Variants in CELSR3 observed in about 807,000 individuals in gnomAD.
CELSR3 encodes the protein cadherin EGF LAG seven-pass G-type receptor 3.
Under a neutral mutation model 270.0 loss-of-function variants are expected in CELSR3, and 73 were observed. The observed-to-expected ratio is 0.27, with a 90% confidence interval of 0.22 to 0.33. The LOEUF (loss-of-function observed/expected upper bound fraction) is 0.33, where lower values mean the gene tolerates loss of function less well. Among genes scored for constraint, CELSR3 ranks in the 10% least tolerant of loss-of-function variants. CELSR3 has a pLI of 1.00. For synonymous variants in CELSR3, 1,780 were observed against 1,905.4 expected, an observed-to-expected ratio of 0.93 and a Z score of 1.71; for missense variants, 3,614 against 4,533.8, an observed-to-expected ratio of 0.80 and a Z score of 5.83.
In CELSR3 at chr3:48,653,987, T is replaced by C; in HGVS notation, c.5169A>G (p.Leu1723=). 1 of 1,612,950 alleles carries C rather than the reference T, an allele frequency of 6.2e-7. No individual in the cohort carries two copies. Among genetic ancestry groups the C allele is most frequent in the Non-Finnish European group, 8.5e-7 (1 of 1,179,618 alleles). The change falls in exon 8 of 35, where the codon CTA becomes CTG. Residue 1723 remains leucine, a synonymous_variant. Coordinates refer to ENST00000164024, the MANE Select transcript of CELSR3 (RefSeq NM_001407.3). The surrounding 1 kb of genome is among the most constrained non-coding windows in gnomAD (Gnocchi z 6.5). ...TGCAGGGGCCTGAGTCACAAAAGTG[T>C]AGCTTGGCTTGGCAGCCTGGGAGAG... ...NGTMAGCQAK[L]HFCDSGPCKN...
Position 48,661,037 on chromosome 3 carries a change from A to T in CELSR3, c.1598T>A (p.Ile533Lys). The change falls in exon 1 of 35, where the codon ATA becomes AAA. Residue 533 changes from isoleucine to lysine, a missense_variant. This residue lies in a region of CELSR3 where 354 missense variants were observed against 500.9 expected (regional missense o/e 0.71). Transcript: ENST00000164024. ...ATTGTCGTTCTCGTCTAGCACAGTT[A>T]TGTGTACGCGCACAGTGGCCGAGCG... ...GPRSATVRVHITVLDENDNAP... is the reference protein window; with the variant it reads ...GPRSATVRVHKTVLDENDNAP... 1 of 1,613,808 alleles carries T rather than the reference A, an allele frequency of 6.2e-7. No homozygotes were observed. The highest frequency in any genetic ancestry group is 8.5e-7 in the Non-Finnish European group (1 of 1,180,014).
Position 48,659,585 on chromosome 3 carries a change from C to G in CELSR3, c.3050G>C (p.Gly1017Ala), listed in dbSNP as rs1000030494. 6.2e-7 allele frequency: 1 copy of G among 1,614,064 alleles called. No individual in the cohort carries two copies. Among genetic ancestry groups the G allele is most frequent in the Non-Finnish European group, 8.5e-7 (1 of 1,180,048 alleles). The change falls in exon 1 of 35, where the codon GGA becomes GCA. Residue 1017 changes from glycine to alanine, a missense_variant. Around this residue, in one of 7 missense-constraint regions of CELSR3, gnomAD observed 1,331 missense variants for 1,933.7 expected, o/e 0.69. Transcript: ENST00000164024. This position sits in a 1 kb window ranked among gnomAD's most constrained non-coding sequence, Gnocchi z 8.1. Reference sequence around the variant, plus strand: ...TAGCCGCCTTACTGTACGGACAATTCCAGAGGTGGGCTCAATGGTAAAATC... The same window carrying G: ...TAGCCGCCTTACTGTACGGACAATTGCAGAGGTGGGCTCAATGGTAAAATC... Reference protein sequence around the residue: ...DGDFTIEPTSGIVRTVRRLDR... With the variant: ...DGDFTIEPTSAIVRTVRRLDR...
Position 48,660,997 on chromosome 3 carries a change from G to A in CELSR3, c.1638C>T (p.Ser546=), listed in dbSNP as rs369539982. 51 of 1,613,762 alleles carry A rather than the reference G, an allele frequency of 3.2e-5. No homozygotes were observed. In the South Asian group the frequency reaches 5.6e-4, roughly 18 times the overall value. ...GCACCTGCGCCACGTAGCGCTTCTCGCTGAACTGAGGAGCATTGTCGTTCT... is the reference window on the plus strand; with the variant it reads ...GCACCTGCGCCACGTAGCGCTTCTCACTGAACTGAGGAGCATTGTCGTTCT... The part of the protein sequence containing the change: ...LDENDNAPQF[S]EKRYVAQVRE... The change falls in exon 1 of 35, where the codon AGC becomes AGT. Residue 546 remains serine, a synonymous_variant. Transcript: ENST00000164024. This position sits in a 1 kb window ranked among gnomAD's most constrained non-coding sequence, Gnocchi z 5.5.
At position 48,659,181 on chromosome 3, in the gene CELSR3, G is replaced by A. The variant is rs754395490; in HGVS notation, c.3454C>T (p.Arg1152Trp). ...VQATSAPLVS[R>W]ATVHVRLVDQ... is the part of the protein sequence containing the mutation. ...ACCAGGCGGACGTGCACAGTGGCCC[G>A]GCTGACCAAAGGAGCAGATGTGGCC... Residue 1152 changes from arginine to tryptophan, a missense_variant, in exon 1 of 35, where the codon CGG becomes TGG. Coordinates refer to ENST00000164024, the MANE Select transcript of CELSR3 (RefSeq NM_001407.3). The surrounding 1 kb of genome is among the most constrained non-coding windows in gnomAD (Gnocchi z 8.1). The A allele has an allele frequency of 1.7e-5, 27 of 1,614,052 alleles. No individual in the cohort carries two copies. The highest frequency in any genetic ancestry group is 2.1e-5 in the Non-Finnish European group (25 of 1,180,028).
intron 27 of CELSR3, chr3:48,643,919 A>G: frequency 1.7e-6 from 1 of 592,504 alleles, no homozygotes; most frequent in Non-Finnish European, 3.0e-6. Context: ...GCCACAAGGG[A>G]GGGCACGGAA....
At chr3:48,643,791 T>C in intron 27 of CELSR3, 114 bp from the exon 28 acceptor site, 1 of 1,277,768 alleles carries the variant, frequency 7.8e-7, no homozygotes, top group Non-Finnish European at 1.1e-6. Flanking sequence ...AAAAAGGAAC[T>C]CACACGGGAA....
In CELSR3 at chr3:48,652,966, G is replaced by A. The variant is rs2047150304; in HGVS notation, c.5634+36C>T. ...CAAATAAGGCGGATCTGGTTGGAAG[G>A]CTGAGAACAGACTACCCCGGGGTCA... On this transcript the variant is annotated intron_variant, in intron 10 of 34. Coordinates refer to ENST00000164024, the MANE Select transcript of CELSR3 (RefSeq NM_001407.3). This position sits in a 1 kb window ranked among gnomAD's most constrained non-coding sequence, Gnocchi z 4.3. 2 of 1,584,106 alleles carry A rather than the reference G, an allele frequency of 1.3e-6. No homozygotes were observed. Among genetic ancestry groups the A allele is most frequent in the African/African-American group, 1.3e-5 (1 of 74,354 alleles).
At position 48,640,788 on chromosome 3, in the gene CELSR3, A is replaced by C; in HGVS notation, c.9026-229T>G. 1.1e-4 allele frequency: 36 copies of C among 332,968 alleles called. No individual in the cohort carries two copies. Among genetic ancestry groups the C allele is most frequent in the East Asian group, 4.1e-4 (7 of 16,954 alleles). The allele number at this position is 332,968 out of a possible 1,614,324, so 20.6% of individuals were successfully genotyped here. On this transcript the variant is annotated intron_variant, in intron 33 of 34. Coordinates refer to ENST00000164024, the MANE Select transcript of CELSR3 (RefSeq NM_001407.3). This position sits in a 1 kb window ranked among gnomAD's most constrained non-coding sequence, Gnocchi z 7.5. ...CCAGTTGTGGTCCCGGGGCAGGGGGAGGGCGGGCAGGTCTCATGGTGCAGG... is the reference window on the plus strand; with the variant it reads ...CCAGTTGTGGTCCCGGGGCAGGGGGCGGGCGGGCAGGTCTCATGGTGCAGG...
rs745812970 is a variant in CELSR3 at position 48,661,796 on chromosome 3, C to T, written c.839G>A (p.Gly280Asp). 9 of 1,608,016 alleles carry T rather than the reference C, an allele frequency of 5.6e-6. No homozygotes were observed. The highest frequency in any genetic ancestry group is 7.6e-6 in the Non-Finnish European group (9 of 1,178,876). Reference protein sequence around the residue: ...EPAPKRMRSRGLFRCRFLPQR... With the variant: ...EPAPKRMRSRDLFRCRFLPQR... ...CGGGAGGAAGCGGCAGCGGAAGAGA[C>T]CCCGGGAGCGCATGCGCTTGGGCGC... Residue 280 changes from glycine (G) to aspartate (D), a missense_variant, in exon 1 of 35, where the codon GGT becomes GAT. Coordinates refer to ENST00000164024, the MANE Select transcript of CELSR3 (RefSeq NM_001407.3).
In CELSR3 at chr3:48,659,320, C is replaced by G. The variant is rs1349544402; in HGVS notation, c.3315G>C (p.Gln1105His). The G allele has an allele frequency of 6.2e-6, 10 of 1,614,194 alleles. No homozygotes were observed. Among genetic ancestry groups the G allele is most frequent in the Non-Finnish European group, 8.5e-6 (10 of 1,180,034 alleles). The stretch of plus-strand genomic sequence containing the variant: ...GCTCAGGGATGTTCCCCTCCACGAT[C>G]TGGTACATTATATGGGCATTGGGGC... ...DEGPNAHIMY[Q>H]IVEGNIPELF... The change falls in exon 1 of 35, where the codon CAG becomes CAC. Residue 1105 changes from glutamine (Q) to histidine (H), a missense_variant. Physicochemically the swap from Gln to His is conservative, Grantham distance 24. Transcript: ENST00000164024. The surrounding 1 kb of genome is among the most constrained non-coding windows in gnomAD (Gnocchi z 8.1).
rs1449370296 is a variant in CELSR3 at position 48,649,230 on chromosome 3, C to A, written c.6473-15G>T. On this transcript the variant is annotated splice_polypyrimidine_tract_variant and intron_variant, in intron 16 of 34. Transcript: ENST00000164024. Reference sequence around the variant, plus strand: ...CACAGCAGCACCTGGAGGCAGGCAACCCCTGGTCAGGCCTGGGGCCTGGAT... The same window carrying A: ...CACAGCAGCACCTGGAGGCAGGCAAACCCTGGTCAGGCCTGGGGCCTGGAT... The A allele has an allele frequency of 2.5e-6, 4 of 1,602,280 alleles. No homozygotes were observed. Among genetic ancestry groups the A allele is most frequent in the African/African-American group, 1.3e-5 (1 of 74,750 alleles).
rs779341693 is a variant in CELSR3 at position 48,660,970 on chromosome 3, G to T, written c.1665C>A (p.Arg555=). 4.9e-5 allele frequency: 79 copies of T among 1,613,778 alleles called. No individual in the cohort carries two copies. Among genetic ancestry groups the T allele is most frequent in the Non-Finnish European group, 6.1e-5 (72 of 1,180,048 alleles). Residue 555 remains arginine, a synonymous_variant, in exon 1 of 35, where the codon CGC becomes CGA. Coordinates refer to ENST00000164024, the MANE Select transcript of CELSR3 (RefSeq NM_001407.3). The surrounding 1 kb of genome is among the most constrained non-coding windows in gnomAD (Gnocchi z 5.5). ...CGACTGTGTGGGGGCGCACATCCTC[G>T]CGCACCTGCGCCACGTAGCGCTTCT... ...FSEKRYVAQV[R]EDVRPHTVVL...
rs1553626797 is a variant in CELSR3 at position 48,657,362 on chromosome 3, C to T, written c.3749-14G>A. 9.6e-6 allele frequency: 15 copies of T among 1,568,654 alleles called. No homozygotes were observed. Among genetic ancestry groups the T allele is most frequent in the Admixed American group, 1.8e-5 (1 of 55,776 alleles). The stretch of plus-strand genomic sequence containing the variant: ...TGTGCAGGCCATCTGCAGGCGGGGG[C>T]AGGGGCAGTGGTCATCCTGGGGACA... On this transcript the variant is annotated splice_polypyrimidine_tract_variant and intron_variant, in intron 1 of 34. Transcript: ENST00000164024. The surrounding 1 kb of genome is among the most constrained non-coding windows in gnomAD (Gnocchi z 5.4).
Position 48,654,591 on chromosome 3 carries a change from G to T in CELSR3, c.4989-139C>A. The T allele has an allele frequency of 2.7e-6, 2 of 740,906 alleles. No homozygotes were observed. Among genetic ancestry groups the T allele is most frequent in the South Asian group, 1.9e-5 (1 of 51,734 alleles). 45.9% of individuals were successfully genotyped at this position (740,906 alleles called of 1,614,324 possible). On this transcript the variant is annotated intron_variant, in intron 6 of 34. Transcript: ENST00000164024. This position sits in a 1 kb window ranked among gnomAD's most constrained non-coding sequence, Gnocchi z 5.4. ...AAAATAAGGCCGAGCTGTGGAAGGA[G>T]TTAGGATCTTACTTCAGTTGGGGTG...
chr3:48,656,196 A>C lies in CELSR3; in HGVS notation c.4569T>G (p.Ser1523Arg), dbSNP rs1205732346. ...CEVAARSFPP[S>R]SFVMFRGLRQ... Reference sequence around the variant, plus strand: ...GCAGGCCGCGAAACATGACGAACGAACTGGGCGGGAAGGAGCGCGCAGCCA... The same window carrying C: ...GCAGGCCGCGAAACATGACGAACGACCTGGGCGGGAAGGAGCGCGCAGCCA... The change falls in exon 3 of 35, where the codon AGT (serine) becomes AGG (arginine). Residue 1523 changes from serine (S) to arginine (R), a missense_variant. By Grantham distance (110) the Ser-to-Arg change is moderately radical. Coordinates refer to ENST00000164024, the MANE Select transcript of CELSR3 (RefSeq NM_001407.3). 8 of 1,537,774 alleles carry C rather than the reference A, an allele frequency of 5.2e-6. No homozygotes were observed. The highest frequency in any genetic ancestry group is 7.0e-6 in the Non-Finnish European group (8 of 1,148,038).
At position 48,661,627 on chromosome 3, in the gene CELSR3, C is replaced by T. The variant is rs376308692; in HGVS notation, c.1008G>A (p.Glu336=). The T allele has an allele frequency of 1.1e-5, 18 of 1,605,086 alleles. No homozygotes were observed. In the African/African-American group the frequency reaches 2.4e-4, roughly 22 times the overall value. ...GCACCGCGGTGCCTGCTGCCTCATTCTCCGGCACCAGCGTCTGGTAGTTGT... is the reference window on the plus strand; with the variant it reads ...GCACCGCGGTGCCTGCTGCCTCATTTTCCGGCACCAGCGTCTGGTAGTTGT... ...PQYNYQTLVP[E]NEAAGTAVLR... Residue 336 remains glutamate (E), a synonymous_variant, in exon 1 of 35, where the codon GAG becomes GAA. Coordinates refer to ENST00000164024, the MANE Select transcript of CELSR3 (RefSeq NM_001407.3).
At chr3:48,648,965 T>C (rs1384716921) in intron 17 of CELSR3, 37 bp from the exon 18 acceptor site, 1 of 1,605,018 alleles carries the variant, frequency 6.2e-7, no homozygotes, top group East Asian at 2.2e-5. Context: ...TGTGGTCCCT[T>C]AGGCCTTCCT....
rs1213584774 is a variant in CELSR3 at position 48,646,790 on chromosome 3, T to C, written c.7268A>G (p.Gln2423Arg). 30 of 1,610,304 alleles carry C rather than the reference T, an allele frequency of 1.9e-5. No homozygotes were observed. Among genetic ancestry groups the C allele is most frequent in the African/African-American group, 2.7e-5 (2 of 74,708 alleles). ...YRTLGGLLPAQFQAERRGARL... is the reference protein window; with the variant it reads ...YRTLGGLLPARFQAERRGARL... ...GGCACCTCGGCGTTCTGCCTGGAAC[T>C]GGGCAGGGAGCAGTCCCCCTAAGGT... The change falls in exon 21 of 35, where the codon CAG (glutamine) becomes CGG (arginine). Residue 2423 changes from glutamine to arginine, a missense_variant. By Grantham distance (43) the Gln-to-Arg change is conservative. Transcript: ENST00000164024. The surrounding 1 kb of genome is among the most constrained non-coding windows in gnomAD (Gnocchi z 4.8).
chr3:48,640,532 G>A lies in CELSR3; in HGVS notation c.9053C>T (p.Pro3018Leu). The A allele has an allele frequency of 6.3e-7, 1 of 1,597,210 alleles. No individual in the cohort carries two copies. The highest frequency in any genetic ancestry group is 8.6e-7 in the Non-Finnish European group (1 of 1,169,308). The stretch of plus-strand genomic sequence containing the variant: ...GGCACCTCGGGTCTGTGGCACCAGT[G>A]GGTATTGCAACCGGTTCTTCAGGAT... ...KGILKNRLQY[P>L]LVPQTRGAPE... The change falls in exon 34 of 35, where the codon CCA becomes CTA. Residue 3018 changes from proline to leucine, a missense_variant. Transcript: ENST00000164024. This position sits in a 1 kb window ranked among gnomAD's most constrained non-coding sequence, Gnocchi z 7.5.
Sources: gnomAD v4.1 joint callset for allele counts on GRCh38, gnomAD v4.1.1 for gene constraint, gnomAD v4.1.1 regional missense constraint, Gnocchi (gnomAD v3.1) non-coding constraint, MANE v1.5 for transcripts, NCBI Gene and HGNC (gene_info 2026-07-23, HGNC 2026-07-21) for gene names.